The following DIP2C variants were observed in gnomAD, a reference collection of about 807,000 sequenced individuals.
The protein encoded by DIP2C is disco-interacting protein 2 homolog C.
In DIP2C, 33 loss-of-function variants were observed where a neutral mutation model predicts 192.4. The ratio of observed to expected loss-of-function variants is 0.17; its 90% CI spans 0.13 to 0.23. The LOEUF is 0.23. DIP2C is among the 10% of genes least tolerant of loss of function. DIP2C has a pLI of 1.00. For missense variants in DIP2C, 1,537 were observed against 2,110.1 expected (o/e 0.73, Z 5.32); for synonymous variants, 979 against 864.1 (o/e 1.13, Z -2.33).
chr10:284,880 G>A (rs180982127), intron 34 of DIP2C, among the ~76,000 whole-genome samples: 3 of 152,060 alleles, frequency 2.0e-5, no homozygotes, highest in East Asian at 1.9e-4. Flanking sequence ...CTCATAAAGC[G>A]GAAAAAACAC....
intron 32 of DIP2C, among the ~76,000 whole-genome samples, chr10:292,697 G>C (rs534996700): frequency 7.2e-5 from 11 of 152,310 alleles, no homozygotes; most frequent in Admixed American, 3.3e-4. Context: ...CACACGTCTG[G>C]CCTCCTGGGA....
rs533954099 is a variant in DIP2C at position 674,240 on chromosome 10, T to C, written c.85+15254A>G. Among the ~76,000 whole-genome samples, 5 of 152,184 alleles carry C rather than the reference T, an allele frequency of 3.3e-5. No individual in the cohort carries two copies. In the East Asian group the frequency reaches 7.7e-4, roughly 24 times the overall value. On this transcript the variant is annotated intron_variant, in intron 1 of 36. Coordinates refer to ENST00000280886, the MANE Select transcript of DIP2C (RefSeq NM_014974.3). ...CTCACTTCAGCTGTAAAGACACACATAGACTAAACATGAAGGATGGAAAAA... is the reference window on the plus strand; with the variant it reads ...CTCACTTCAGCTGTAAAGACACACACAGACTAAACATGAAGGATGGAAAAA...
chr10:356,330 A>G lies in DIP2C; in HGVS notation c.2985+96T>C, dbSNP rs111995565. The G allele has an allele frequency of 3.1e-5, 42 of 1,364,596 alleles. 1 individual carries two copies. The African/African-American group carries it at 4.1e-4, about 13-fold the overall frequency. 84.5% of individuals were successfully genotyped at this position (1,364,596 alleles called of 1,614,324 possible). A position where few individuals can be genotyped will look rare whatever the true frequency, so the allele number is the denominator to read the frequency against. On this transcript the variant is annotated intron_variant, in intron 24 of 36. Coordinates refer to ENST00000280886, the MANE Select transcript of DIP2C (RefSeq NM_014974.3). ...ATAAAAAGAATTCCCATAAGACTGA[A>G]GCAAAAGGATTCAAAGAAAGAAGCA...
chr10:572,627 T>C (rs1849895621), intron 1 of DIP2C, among the ~76,000 whole-genome samples: 1 of 152,254 alleles, frequency 6.6e-6, no homozygotes, highest in Non-Finnish European at 1.5e-5. Flanking sequence ...ACTCACACGG[T>C]CAACATTCTG....
chr10:619,603 T>C (rs1853735025), intron 1 of DIP2C, among the ~76,000 whole-genome samples: 1 of 134,532 alleles, frequency 7.4e-6, no homozygotes, highest in Admixed American at 7.8e-5. Context: ...CTTTAACTAG[T>C]GTCACCTGTG....
At chr10:530,207 G>A (rs1048705395) in intron 1 of DIP2C, among the ~76,000 whole-genome samples, 5 of 152,356 alleles carry the variant, frequency 3.3e-5, no homozygotes, top group African/African-American at 1.2e-4. Context: ...ACAGATCAAA[G>A]GGTGTCAGCA....
At chr10:637,849 G>T (rs150834887) in intron 1 of DIP2C, among the ~76,000 whole-genome samples, 2 of 152,216 alleles carry the variant, frequency 1.3e-5, no homozygotes, top group Admixed American at 6.5e-5. Context: ...GCCCTGGTCT[G>T]CATGACTGAT....
intron 31 of DIP2C, among the ~76,000 whole-genome samples, chr10:316,283 T>C (rs937063424): frequency 3.9e-5 from 6 of 152,220 alleles, no homozygotes; most frequent in African/African-American, 1.4e-4. Flanking sequence ...AAAGATTAAA[T>C]AACATTTACC....
intron 32 of DIP2C, among the ~76,000 whole-genome samples, chr10:289,271 GT>G (rs60832771): frequency 0.94 from 138,927 of 147,354 alleles, 65,810 homozygotes; most frequent in East Asian, 0.99. Flanking sequence ...CCCCAGTGAT[GT>G]TTTTTTTTTT....
At chr10:278,288 T>G (rs559576029) in intron 36 of DIP2C, among the ~76,000 whole-genome samples, 12 of 152,362 alleles carry the variant, frequency 7.9e-5, no homozygotes, top group African/African-American at 2.9e-4. Flanking sequence ...CCTGCTCCTC[T>G]GTCTGTGCAG....
At chr10:332,389 C>T (rs1324698483) in intron 29 of DIP2C, among the ~76,000 whole-genome samples, 1 of 152,172 alleles carries the variant, frequency 6.6e-6, no homozygotes, top group Non-Finnish European at 1.5e-5. Context: ...GTTTCACCTC[C>T]CTCCTCATCA....
Position 384,077 on chromosome 10 carries a change from A to G in DIP2C, c.1826T>C (p.Ile609Thr), listed in dbSNP as rs1962636623. 6.2e-7 allele frequency: 1 copy of G among 1,611,872 alleles called. No homozygotes were observed. The highest frequency in any genetic ancestry group is 8.5e-7 in the Non-Finnish European group (1 of 1,179,450). The change falls in exon 16 of 37, where the codon ATC (isoleucine) becomes ACC (threonine). Residue 609 changes from isoleucine to threonine, a missense_variant. Physicochemically the swap from Ile to Thr is moderately conservative, Grantham distance 89 (BLOSUM62 -1). Coordinates refer to ENST00000280886, the MANE Select transcript of DIP2C (RefSeq NM_014974.3). ...CAGCATTCGCAGAGAGGAGAGGTTG[A>G]TGTCTCTCTGATCTCTGTGTGCTAC... Reference protein sequence around the residue: ...ALVAHRDQRDINLSSLRMLIV... With the variant: ...ALVAHRDQRDTNLSSLRMLIV...
chr10:643,679 C>T (rs1415245152), intron 1 of DIP2C, among the ~76,000 whole-genome samples: 2 of 152,234 alleles, frequency 1.3e-5, no homozygotes, highest in East Asian at 1.9e-4. Context: ...CCCTAACCCT[C>T]GTTATGTCCA....
chr10:519,112 AG>A (rs1846537798), intron 1 of DIP2C, among the ~76,000 whole-genome samples: 1 of 152,206 alleles, frequency 6.6e-6, no homozygotes, highest in South Asian at 2.1e-4. Context: ...TCCAGCCATT[AG>A]GGGTGAGCCC....
rs147222127 is a variant in DIP2C, at chr10:673,702, G to A, written c.85+15792C>T. 2.3e-3 allele frequency among the ~76,000 whole-genome samples: 343 copies of A among 151,904 alleles called. 2 individuals carry two copies. Among genetic ancestry groups the A allele is most frequent in the African/African-American group, 7.6e-3 (317 of 41,506 alleles). Reference sequence around the variant, plus strand: ...GAAACCTGTATAACGCCACCAGAACGTCCTTGTTTGACTTACACACTTCCC... The same window carrying A: ...GAAACCTGTATAACGCCACCAGAACATCCTTGTTTGACTTACACACTTCCC... On this transcript the variant is annotated intron_variant, in intron 1 of 36. Coordinates refer to ENST00000280886, the MANE Select transcript of DIP2C (RefSeq NM_014974.3).
At chr10:417,333 C>G (rs185248552) in intron 6 of DIP2C, among the ~76,000 whole-genome samples, 1 of 152,014 alleles carries the variant, frequency 6.6e-6, no homozygotes, top group Admixed American at 6.6e-5. Flanking sequence ...CAACACACCA[C>G]GCAGGATTTA....
intron 3 of DIP2C, among the ~76,000 whole-genome samples, chr10:471,423 C>T (rs964070703): frequency 6.6e-6 from 1 of 152,066 alleles, no homozygotes. Flanking sequence ...AGGTGAGTTC[C>T]GAGACTCACA....
chr10:567,232 A>G (rs1457386377), intron 1 of DIP2C, among the ~76,000 whole-genome samples: 1 of 152,144 alleles, frequency 6.6e-6, no homozygotes, highest in Non-Finnish European at 1.5e-5. Flanking sequence ...TCTGTCGCCC[A>G]GACCAGAGTG....
chr10:358,339 T>C (rs1449069057), intron 22 of DIP2C, among the ~76,000 whole-genome samples: 1 of 150,760 alleles, frequency 6.6e-6, no homozygotes, highest in African/African-American at 2.4e-5. Context: ...TTCTCTGGGG[T>C]CCACACACCT....
Sources: gnomAD v4.1 joint callset for allele counts (sites outside exome capture counted in the v4.1 genomes callset) on GRCh38, gnomAD v4.1.1 for gene constraint, MANE v1.5 for transcripts, NCBI Gene and HGNC (gene_info 2026-07-23, HGNC 2026-07-21) for gene names.